The following NAA16 variants were observed in gnomAD, a reference collection of about 807,000 sequenced individuals.
NAA16 encodes the protein N-alpha-acetyltransferase 16, NatA auxiliary subunit, also known as NARG1-like protein.
In NAA16, 97 loss-of-function variants were observed where a neutral mutation model predicts 110.3. The ratio of observed to expected loss-of-function variants is 0.88; its 90% CI spans 0.75 to 1.04. The LOEUF (loss-of-function observed/expected upper bound fraction) is 1.04, where lower values mean the gene tolerates loss of function less well. Ranked by LOEUF, NAA16 falls within the 50% of genes least tolerant of loss-of-function variation. NAA16 has a pLI of 0.00. For missense variants in NAA16, 1,017 were observed against 1,005.1 expected, an observed-to-expected ratio of 1.01 and a Z score of -0.16; for synonymous variants, 372 against 330.6, an observed-to-expected ratio of 1.13 and a Z score of -1.36.
chr13:41,313,531 T>C (rs1464992362), intron 1 of NAA16, among the ~76,000 whole-genome samples: 1 of 152,242 alleles, frequency 6.6e-6, no homozygotes, highest in African/African-American at 2.4e-5. Flanking sequence ...TAAAATTATC[T>C]TTAAAGTTTA....
chr13:41,316,093 A>C (rs1252377585), intron 1 of NAA16, among the ~76,000 whole-genome samples: 1 of 152,050 alleles, frequency 6.6e-6, no homozygotes, highest in Non-Finnish European at 1.5e-5. Context: ...CAAAATAAAA[A>C]ATTCTGTGGC....
At chr13:41,315,332 C>G (rs1200007684) in intron 1 of NAA16, among the ~76,000 whole-genome samples, 1 of 152,108 alleles carries the variant, frequency 6.6e-6, no homozygotes, top group African/African-American at 2.4e-5. Context: ...TGTGACTGAA[C>G]AATGTAAGCC....
intron 9 of NAA16, among the ~76,000 whole-genome samples, chr13:41,342,265 G>A (rs2042572199): frequency 6.6e-6 from 1 of 151,978 alleles, no homozygotes; most frequent in Non-Finnish European, 1.5e-5. Flanking sequence ...AGCCTCCCGA[G>A]TAGCTGGGAC....
At chr13:41,356,737 A>G (rs1031012680) in intron 10 of NAA16, among the ~76,000 whole-genome samples, 3 of 152,212 alleles carry the variant, frequency 2.0e-5, no homozygotes, top group African/African-American at 7.2e-5. Flanking sequence ...TTTCAAAAAA[A>G]CAGTCATTTG....
At chr13:41,339,406 T>A (rs1411841722) in intron 9 of NAA16, among the ~76,000 whole-genome samples, 1 of 152,214 alleles carries the variant, frequency 6.6e-6, no homozygotes, top group South Asian at 2.1e-4. Flanking sequence ...CCCAAAGTGC[T>A]GGGATTACAG....
chr13:41,324,028 TACTC>T lies in NAA16; in HGVS notation c.537+839_537+842del, dbSNP rs548337779. On this transcript the variant is annotated intron_variant, in intron 5 of 19. Transcript: ENST00000379406. The stretch of plus-strand genomic sequence containing the variant: ...TGAGCTTCTTCCATCCTATTTCACT[TACTC>T]CTCCTTTGCATTCTGTTTTCTAGAA... 4.0e-4 allele frequency among the ~76,000 whole-genome samples: 61 copies of T among 152,328 alleles called. No individual in the cohort carries two copies. The South Asian group carries it at 4.1e-3, about 10-fold the overall frequency.
chr13:41,312,396 C>T (rs2041641364), intron 1 of NAA16, among the ~76,000 whole-genome samples: 1 of 152,146 alleles, frequency 6.6e-6, no homozygotes, highest in South Asian at 2.1e-4. Context: ...GGGCAGTTTT[C>T]TGTGGGCTGT....
intron 4 of NAA16, 27 bp from the exon 5 acceptor site, chr13:41,323,029 T>C (rs2041986153): frequency 1.9e-6 from 3 of 1,605,058 alleles, no homozygotes; most frequent in African/African-American, 1.3e-5. Flanking sequence ...TTAGAGAATA[T>C]TTAGCAAGTT....
intron 9 of NAA16, among the ~76,000 whole-genome samples, chr13:41,343,817 A>G (rs531003360): frequency 2.0e-5 from 3 of 152,276 alleles, no homozygotes; most frequent in Non-Finnish European, 4.4e-5. Context: ...CTAGGATTAC[A>G]GGCGTGAGCC....
intron 13 of NAA16, among the ~76,000 whole-genome samples, chr13:41,366,146 A>G (rs989787324): frequency 1.3e-5 from 2 of 152,168 alleles, no homozygotes; most frequent in East Asian, 1.9e-4. Flanking sequence ...GCAGTTTTCA[A>G]TTACAACATC....
intron 13 of NAA16, among the ~76,000 whole-genome samples, chr13:41,365,955 CT>C (rs2043199706): frequency 6.6e-6 from 1 of 152,112 alleles, no homozygotes; most frequent in Non-Finnish European, 1.5e-5. Flanking sequence ...TGTTCCAGGA[CT>C]TTTAGCGCCA....
intron 5 of NAA16, among the ~76,000 whole-genome samples, chr13:41,324,711 A>G (rs1300559815): frequency 6.7e-6 from 1 of 149,916 alleles, no homozygotes; most frequent in African/African-American, 2.5e-5. Context: ...TTTTTTCTAG[A>G]GACAGGATCT....
chr13:41,315,790 A>C (rs1197418211), intron 1 of NAA16, among the ~76,000 whole-genome samples: 3 of 151,550 alleles, frequency 2.0e-5, no homozygotes, highest in Admixed American at 6.6e-5. Flanking sequence ...TTTTTTTTTG[A>C]GATGGTGTCT....
At chr13:41,374,611 C>G in intron 18 of NAA16, 131 bp from the exon 19 acceptor site, 1 of 587,984 alleles carries the variant, frequency 1.7e-6, no homozygotes, top group Non-Finnish European at 3.0e-6. Context: ...CTCTCTTGAG[C>G]TGGTAGGAGC....
intron 9 of NAA16, among the ~76,000 whole-genome samples, chr13:41,347,227 ACAAAAAC>A (rs567420053): frequency 0.43 from 42,921 of 98,968 alleles, 8,116 homozygotes; most frequent in South Asian, 0.67. Context: ...AAAAAAAAAA[ACAAAAAC>A]AAAAACAAAA....
Position 41,325,861 on chromosome 13 carries a change from C to A in NAA16, c.691+10C>A. 6.3e-7 allele frequency: 1 copy of A among 1,586,256 alleles called. No homozygotes were observed. Among genetic ancestry groups the A allele is most frequent in the Admixed American group, 1.8e-5 (1 of 55,098 alleles). On this transcript the variant is annotated intron_variant, in intron 6 of 19. Coordinates refer to ENST00000379406, the MANE Select transcript of NAA16 (RefSeq NM_024561.5). ...GTGGAAGAAATTAAAGGTAAGTTGG[C>A]TTGCCTTTTTTTAATAGCCTCAAAC...
chr13:41,367,332 T>C, intron 13 of NAA16, 107 bp from the exon 14 acceptor site: 3 of 723,060 alleles, frequency 4.1e-6, no homozygotes, highest in East Asian at 2.7e-5. Context: ...TAAGTGAAAA[T>C]TGTGACTGTT....
chr13:41,375,670 G>A lies in NAA16; in HGVS notation c.*68G>A. 1.7e-6 allele frequency: 2 copies of A among 1,154,310 alleles called. No homozygotes were observed. The highest frequency in any genetic ancestry group is 4.9e-5 in the East Asian group (2 of 40,654). The allele number at this position is 1,154,310 out of a possible 1,614,324, so 71.5% of individuals were successfully genotyped here. The stretch of plus-strand genomic sequence containing the variant: ...GAGATCAGGGTTTCTTTTCCAGGGT[G>A]CATTTTAATATACGTATGAAATGAA... On this transcript the variant is annotated 3_prime_UTR_variant, in exon 20 of 20. Coordinates refer to ENST00000379406, the MANE Select transcript of NAA16 (RefSeq NM_024561.5).
chr13:41,320,569 C>G (rs2041920338), intron 3 of NAA16, 98 bp from the exon 4 acceptor site: 2 of 1,193,642 alleles, frequency 1.7e-6, no homozygotes, highest in Admixed American at 2.8e-5. Flanking sequence ...GAACAAATCC[C>G]AGGCAAAATA....
Sources: allele counts gnomAD v4.1 joint callset (sites outside exome capture counted in the v4.1 genomes callset), GRCh38; gene constraint gnomAD v4.1.1; transcripts MANE v1.5; gene names NCBI Gene and HGNC (gene_info 2026-07-23, HGNC 2026-07-21).